SMARCD1: variants seen among roughly 807,000 people sequenced by gnomAD.
SMARCD1 encodes SWI/SNF related BAF chromatin remodeling complex subunit D1, also known as SWI/SNF-related matrix-associated actin-dependent regulator of chromatin subfamily D member 1.
In SMARCD1, 16 loss-of-function variants were observed where a neutral mutation model predicts 70.8. The observed-to-expected ratio is 0.23, with a 90% confidence interval of 0.15 to 0.34. SMARCD1 has a LOEUF of 0.34. SMARCD1 is among the 10% of genes least tolerant of loss of function. The pLI is 1.00. For synonymous variants in SMARCD1, 249 were observed against 246.0 expected (o/e 1.01, Z -0.11); for missense variants, 409 against 655.5 (o/e 0.62, Z 4.11).
intron 7 of SMARCD1, 90 bp downstream of exon 7, chr12:50,090,075 A>T (rs1397750461): frequency 9.6e-6 from 13 of 1,357,380 alleles, no homozygotes; most frequent in Non-Finnish European, 1.4e-5. Context: ...AGTTGTGAAT[A>T]ATTTGCCACT....
intron 10 of SMARCD1, 27 bp from the exon 11 acceptor site, chr12:50,096,823 T>C: frequency 6.3e-7 from 1 of 1,578,674 alleles, no homozygotes; most frequent in Non-Finnish European, 8.6e-7. Flanking sequence ...AGTTTGAAAA[T>C]GGTATGAGCT....
At chr12:50,087,927 G>C (rs900004751) in intron 5 of SMARCD1, among the ~76,000 whole-genome samples, 2 of 152,068 alleles carry the variant, frequency 1.3e-5, no homozygotes, top group Non-Finnish European at 2.9e-5. Flanking sequence ...GTTGCTTCCT[G>C]GGGAGCATCA....
intron 9 of SMARCD1, among the ~76,000 whole-genome samples, chr12:50,091,382 T>C (rs1295165684): frequency 6.6e-6 from 1 of 152,004 alleles, no homozygotes; most frequent in African/African-American, 2.4e-5. Flanking sequence ...TTCAAGTGAT[T>C]CTCCTGCCGT....
At chr12:50,087,911 C>T (rs1950806125) in intron 5 of SMARCD1, among the ~76,000 whole-genome samples, 1 of 152,054 alleles carries the variant, frequency 6.6e-6, no homozygotes, top group Non-Finnish European at 1.5e-5. Flanking sequence ...TCTTGACAGG[C>T]TCTTTGTTGC....
chr12:50,087,538 G>A, intron 5 of SMARCD1, 53 bp downstream of exon 5: 1 of 1,601,044 alleles, frequency 6.2e-7, no homozygotes, highest in Non-Finnish European at 8.5e-7. Flanking sequence ...TGCTGGGAAT[G>A]AACAGTGTTG....
intron 4 of SMARCD1, 108 bp downstream of exon 4, chr12:50,086,986 A>G: frequency 8.7e-7 from 1 of 1,144,450 alleles, no homozygotes; most frequent in Non-Finnish European, 1.3e-6. Flanking sequence ...TTGGCATTTA[A>G]ATTGCATCTC....
At chr12:50,085,762 T>G (rs1362308737) in intron 1 of SMARCD1, 3 of 421,692 alleles carry the variant, frequency 7.1e-6, no homozygotes, top group Admixed American at 8.8e-5. Flanking sequence ...GTAGAGAACC[T>G]GGGTGGGTGA....
chr12:50,099,099 C>A lies in SMARCD1; in HGVS notation c.*99C>A. ...TGCCTTGGTCTTGCTTGGGGCGTTC[C>A]AGGGGATGCTGTTGGTTCAAGGACA... On this transcript the variant is annotated 3_prime_UTR_variant, in exon 13 of 13. Coordinates refer to ENST00000394963, the MANE Select transcript of SMARCD1 (RefSeq NM_003076.5). 1 of 1,097,112 alleles carries A rather than the reference C, an allele frequency of 9.1e-7. No homozygotes were observed. Among genetic ancestry groups the A allele is most frequent in the Non-Finnish European group, 1.4e-6 (1 of 718,164 alleles). The allele number at this position is 1,097,112 out of a possible 1,614,324, so 68.0% of individuals were successfully genotyped here.
At chr12:50,095,460 G>A (rs1367422987) in intron 10 of SMARCD1, among the ~76,000 whole-genome samples, 1 of 152,012 alleles carries the variant, frequency 6.6e-6, no homozygotes, top group South Asian at 2.1e-4. Context: ...CTGAGTAGCT[G>A]GGACTACAGG....
intron 9 of SMARCD1, among the ~76,000 whole-genome samples, chr12:50,094,042 C>T (rs1565741469): frequency 1.3e-5 from 2 of 152,118 alleles, no homozygotes; most frequent in African/African-American, 2.4e-5. Flanking sequence ...TAAGCCACCA[C>T]GCCTGGCTGC....
rs1289355349 is a variant in SMARCD1 at position 50,098,993 on chromosome 12, A to G, written c.1541A>G (p.Asn514Ser). Reference sequence around the variant, plus strand: ...TTAGAGCAAGCCCTGGGAATCCGGAATACATAGGGCCTCTCCCACAGCCCT... The same window carrying G: ...TTAGAGCAAGCCCTGGGAATCCGGAGTACATAGGGCCTCTCCCACAGCCCT... ...QELEQALGIR[N>S]T The change falls in exon 13 of 13, where the codon AAT becomes AGT. Residue 514 changes from asparagine to serine, a missense_variant. Coordinates refer to ENST00000394963, the MANE Select transcript of SMARCD1 (RefSeq NM_003076.5). The G allele has an allele frequency of 1.2e-6, 2 of 1,613,912 alleles. No individual in the cohort carries two copies. Among genetic ancestry groups the G allele is most frequent in the Non-Finnish European group, 1.7e-6 (2 of 1,179,950 alleles).
At chr12:50,085,982 C>A in intron 1 of SMARCD1, 179 bp from the exon 2 acceptor site, 1 of 435,154 alleles carries the variant, frequency 2.3e-6, no homozygotes, top group Non-Finnish European at 4.0e-6. Flanking sequence ...TCTCGCTTAG[C>A]TTTTGGACTC....
chr12:50,092,074 T>G (rs1950848742), intron 9 of SMARCD1, among the ~76,000 whole-genome samples: 1 of 152,124 alleles, frequency 6.6e-6, no homozygotes, highest in African/African-American at 2.4e-5. Context: ...TTCACTTTTT[T>G]GTTTAGAAGC....
intron 10 of SMARCD1, chr12:50,096,554 C>G (rs1042414992): frequency 1.6e-5 from 4 of 249,164 alleles, no homozygotes; most frequent in African/African-American, 8.7e-5. Context: ...CACTTTTGGA[C>G]CCATTTGTGC....
chr12:50,095,220 TG>T (rs1950882052), intron 10 of SMARCD1, among the ~76,000 whole-genome samples: 1 of 152,250 alleles, frequency 6.6e-6, no homozygotes, highest in Non-Finnish European at 1.5e-5. Flanking sequence ...TATTGTTATC[TG>T]GGTTGTTATT....
rs1432353579 is a variant in SMARCD1 at position 50,097,035 on chromosome 12, A to T, written c.1392+63A>T. On this transcript the variant is annotated intron_variant, in intron 11 of 12. Coordinates refer to ENST00000394963, the MANE Select transcript of SMARCD1 (RefSeq NM_003076.5). ...AGTGAGGTGCACAGCTGCTTTATTC[A>T]TGTAGCAGCTGGTAGGAGACCCAGA... The T allele has an allele frequency of 2.0e-6, 3 of 1,477,056 alleles. No homozygotes were observed. In the African/African-American group the frequency reaches 4.2e-5, roughly 21 times the overall value. 91.5% of individuals were successfully genotyped at this position (1,477,056 alleles called of 1,614,324 possible).
At position 50,090,821 on chromosome 12, in the gene SMARCD1, C is replaced by CTTTTTTTTTTTTTTTTTTTTTTTTTTTTT. The variant is rs11443542; in HGVS notation, c.1133+251_1133+252insTTTTTTTTTTTTTTTTTTTTTTTTTTTTT. ...ATTATTACATTTTATTGTATTTGTG[C>CTTTTTTTTTTTTTTTTTTTTTTTTTTTTT]TTTTTTTTTTTTTTTTTTTTGGAGA... On this transcript the variant is annotated intron_variant, in intron 9 of 12. Coordinates refer to ENST00000394963, the MANE Select transcript of SMARCD1 (RefSeq NM_003076.5). Among the ~76,000 whole-genome samples, 2 of 102,438 alleles carry CTTTTTTTTTTTTTTTTTTTTTTTTTTTTT rather than the reference C, an allele frequency of 2.0e-5. 1 individual carries two copies. The allele number at this position is 102,438 out of a possible 152,430, so 67.2% of individuals were successfully genotyped here.
chr12:50,086,020 C>A, intron 1 of SMARCD1, 141 bp from the exon 2 acceptor site: 1 of 555,886 alleles, frequency 1.8e-6, no homozygotes, highest in Non-Finnish European at 3.0e-6. Flanking sequence ...ACTACTGGAG[C>A]AAAGGGTTCT....
At position 50,099,402 on chromosome 12, in the gene SMARCD1, A is replaced by G. The variant is rs1950920222; in HGVS notation, c.*402A>G. 2.2e-6 allele frequency: 1 copy of G among 456,154 alleles called. No individual in the cohort carries two copies. The highest frequency in any genetic ancestry group is 3.8e-6 in the Non-Finnish European group (1 of 259,800). 28.3% of individuals were successfully genotyped at this position (456,154 alleles called of 1,614,324 possible). A position where few individuals can be genotyped will look rare whatever the true frequency, so the allele number is the denominator to read the frequency against. ...GTTGGGAGCTTTCGCTCCTTCTCCA[A>G]GACTCAGGCCTGTGGGCACTCTATA... On this transcript the variant is annotated 3_prime_UTR_variant, in exon 13 of 13. Coordinates refer to ENST00000394963, the MANE Select transcript of SMARCD1 (RefSeq NM_003076.5).
Sources: gnomAD v4.1 joint callset for allele counts (sites outside exome capture counted in the v4.1 genomes callset) on GRCh38, gnomAD v4.1.1 for gene constraint, MANE v1.5 for transcripts, NCBI Gene and HGNC (gene_info 2026-07-23, HGNC 2026-07-21) for gene names.